The following FAM184B variants were observed in gnomAD, a reference collection of about 807,000 sequenced individuals.
The protein encoded by FAM184B is protein FAM184B.
FAM184B carries 111 observed loss-of-function variants against 135.9 expected under a neutral mutation model. The observed-to-expected ratio is 0.82, with a 90% CI of 0.70 to 0.96. The LOEUF is 0.96. Ranked by LOEUF, FAM184B falls within the 40% of genes least tolerant of loss-of-function variation. The pLI, the probability that FAM184B is intolerant of heterozygous loss-of-function variation, is 0.00. For synonymous variants in FAM184B, 552 were observed against 524.8 expected (o/e 1.05, Z -0.71); for missense variants, 1,375 against 1,323.9 (o/e 1.04, Z -0.60).
In FAM184B at chr4:17,642,085, C is replaced by T. The variant is rs1250032126; in HGVS notation, c.2490G>A (p.Gln830=). 1.4e-5 allele frequency: 21 copies of T among 1,532,222 alleles called. No homozygotes were observed. The highest frequency in any genetic ancestry group is 2.5e-5 in the East Asian group (1 of 40,564). 94.9% of individuals were successfully genotyped at this position (1,532,222 alleles called of 1,614,324 possible). A position where few individuals can be genotyped will look rare whatever the true frequency, so the allele number is the denominator to read the frequency against. The change falls in exon 13 of 18, where the codon CAG becomes CAA. Residue 830 remains glutamine, a synonymous_variant. Coordinates refer to ENST00000265018, the MANE Select transcript of FAM184B (RefSeq NM_015688.2). ...GCTGGTCTCGGAGCTTCTGCGCCTC[C>T]TGCTGATGCTGCTCCACCTCCGCGC... ...RLRAEVEQHQ[Q]EAQKLRDQRR...
intron 1 of FAM184B, among the ~76,000 whole-genome samples, chr4:17,749,260 A>G (rs1371976440): frequency 6.6e-6 from 1 of 152,102 alleles, no homozygotes. Context: ...CCATGGAATT[A>G]TAAAAAAGGA....
intron 1 of FAM184B, among the ~76,000 whole-genome samples, chr4:17,767,174 C>T (rs373515088): frequency 2.6e-5 from 4 of 152,280 alleles, no homozygotes; most frequent in South Asian, 4.1e-4. Flanking sequence ...CCCAGGTTCC[C>T]GCCCGTGCCT....
At chr4:17,765,552 T>C (rs1718650488) in intron 1 of FAM184B, among the ~76,000 whole-genome samples, 1 of 152,212 alleles carries the variant, frequency 6.6e-6, no homozygotes, top group Non-Finnish European at 1.5e-5. Flanking sequence ...ATCAAAATTA[T>C]AATCCAGTTT....
intron 1 of FAM184B, among the ~76,000 whole-genome samples, chr4:17,738,548 T>A (rs747155749): frequency 2.0e-4 from 30 of 152,156 alleles, no homozygotes; most frequent in Non-Finnish European, 4.0e-4. Flanking sequence ...ATCCTCCTTT[T>A]TTCTTTGGAG....
intron 1 of FAM184B, among the ~76,000 whole-genome samples, chr4:17,765,768 T>C (rs1718660188): frequency 6.6e-6 from 1 of 152,218 alleles, no homozygotes; most frequent in South Asian, 2.1e-4. Flanking sequence ...CCACGGACCC[T>C]CCTGATGAGT....
chr4:17,642,344 A>T, intron 12 of FAM184B, 116 bp from the exon 13 acceptor site: 1 of 1,374,748 alleles, frequency 7.3e-7, no homozygotes, highest in Non-Finnish European at 9.3e-7. Flanking sequence ...CCCAGGCTGG[A>T]GCCTGTGGCA....
intron 7 of FAM184B, among the ~76,000 whole-genome samples, chr4:17,678,550 C>T (rs1365496866): frequency 6.6e-6 from 1 of 152,076 alleles, no homozygotes; most frequent in Admixed American, 6.6e-5. Context: ...AATGGAAACA[C>T]ATCCCATAGT....
intron 2 of FAM184B, 121 bp downstream of exon 2, chr4:17,708,771 T>G: frequency 1.1e-6 from 1 of 937,088 alleles, no homozygotes; most frequent in South Asian, 1.8e-5. Context: ...TCAATGGAGA[T>G]AATAGGGCTC....
In FAM184B at chr4:17,631,349, A is replaced by AGAT. The variant is rs1714934690; in HGVS notation, c.*1180_*1182dup. On this transcript the variant is annotated 3_prime_UTR_variant, in exon 18 of 18. Transcript: ENST00000265018. The stretch of plus-strand genomic sequence containing the variant: ...CTTTGGGCTAATTATTTTTTTGTAG[A>AGAT]GATGGAGGTCTCGCTGTGTTGCCCA... 6.6e-6 allele frequency: 1 copy of AGAT among 151,836 alleles called. No homozygotes were observed. The highest frequency in any genetic ancestry group is 2.4e-5 in the African/African-American group (1 of 41,260). 9.4% of individuals were successfully genotyped at this position (151,836 alleles called of 1,614,324 possible).
intron 1 of FAM184B, among the ~76,000 whole-genome samples, chr4:17,758,526 T>G (rs760699027): frequency 6.6e-6 from 1 of 152,232 alleles, no homozygotes; most frequent in Non-Finnish European, 1.5e-5. Flanking sequence ...GTATCTGTTT[T>G]AGAAATGTGA....
rs1006279180 is a variant in FAM184B, at chr4:17,718,408, C to T, written c.142-8764G>A. On this transcript the variant is annotated intron_variant, in intron 1 of 17. Transcript: ENST00000265018. ...TTTGCAGCATTTCCTATATGCCTGG[C>T]ATGATACTAGGCATGGGAAAAACAG... Among the ~76,000 whole-genome samples the T allele has an allele frequency of 5.9e-5, 9 of 152,104 alleles. No homozygotes were observed. The South Asian group carries it at 8.3e-4, about 14-fold the overall frequency.
At chr4:17,777,641 G>T (rs995176203) in intron 1 of FAM184B, among the ~76,000 whole-genome samples, 1 of 152,096 alleles carries the variant, frequency 6.6e-6, no homozygotes, top group African/African-American at 2.4e-5. Context: ...CAAATTGGAA[G>T]GCAAGGAATT....
intron 7 of FAM184B, among the ~76,000 whole-genome samples, chr4:17,671,906 G>A (rs1483125015): frequency 6.6e-6 from 1 of 151,582 alleles, no homozygotes; most frequent in Non-Finnish European, 1.5e-5. Flanking sequence ...GAAAGGATTA[G>A]TGAACTCAAA....
intron 16 of FAM184B, 119 bp downstream of exon 16, chr4:17,634,890 T>TC: frequency 1.5e-6 from 1 of 656,346 alleles, no homozygotes; most frequent in Non-Finnish European, 2.5e-6. Flanking sequence ...GTGGGTTTTT[T>TC]TTTTCCAATG....
At chr4:17,640,741 G>A (rs541291864) in intron 13 of FAM184B, among the ~76,000 whole-genome samples, 17 of 152,286 alleles carry the variant, frequency 1.1e-4, no homozygotes, top group Middle Eastern at 3.4e-3. Flanking sequence ...GAAATATCCT[G>A]TGTCTTTAAA....
intron 8 of FAM184B, among the ~76,000 whole-genome samples, chr4:17,663,390 AG>A (rs1715962933): frequency 6.6e-6 from 1 of 152,206 alleles, no homozygotes; most frequent in African/African-American, 2.4e-5. Flanking sequence ...AAAGAAATAA[AG>A]GGGATCCAAA....
chr4:17,763,220 C>T (rs943031647), intron 1 of FAM184B, among the ~76,000 whole-genome samples: 3 of 152,094 alleles, frequency 2.0e-5, no homozygotes, highest in African/African-American at 7.2e-5. Context: ...TGAGCACTGG[C>T]CTCCAACACT....
rs2108921753 is a variant in FAM184B, at chr4:17,629,697, C to T, written c.*2835G>A. ...GATAATTTCTCTTCATCTTCACTGT[C>T]ACCTCTACGCCATCACTGTCATCTC... On this transcript the variant is annotated 3_prime_UTR_variant, in exon 18 of 18. Transcript: ENST00000265018. 1 of 152,334 alleles carries T rather than the reference C, an allele frequency of 6.6e-6. No homozygotes were observed. Among genetic ancestry groups the T allele is most frequent in the Admixed American group, 6.5e-5 (1 of 15,298 alleles). The allele number at this position is 152,334 out of a possible 1,614,324, so 9.4% of individuals were successfully genotyped here. A position where few individuals can be genotyped will look rare whatever the true frequency, so the allele number is the denominator to read the frequency against.
intron 7 of FAM184B, among the ~76,000 whole-genome samples, chr4:17,672,796 A>AT (rs1716209318): frequency 6.6e-6 from 1 of 152,132 alleles, no homozygotes; most frequent in Non-Finnish European, 1.5e-5. Flanking sequence ...TTTGTTAAGG[A>AT]TTTTTAGCAT....
Sources: allele counts gnomAD v4.1 joint callset (sites outside exome capture counted in the v4.1 genomes callset), GRCh38; gene constraint gnomAD v4.1.1; transcripts MANE v1.5; gene names NCBI Gene and HGNC (gene_info 2026-07-23, HGNC 2026-07-21).